The following FREM3 variants were observed in gnomAD, a reference collection of about 807,000 sequenced individuals.
FREM3 encodes FRAS1 related extracellular matrix 3.
FREM3 carries 105 observed loss-of-function variants against 129.1 expected under a neutral mutation model. The ratio of observed to expected loss-of-function variants is 0.81; its 90% confidence interval spans 0.69 to 0.96. The LOEUF (loss-of-function observed/expected upper bound fraction) is 0.96. FREM3 is among the 40% of genes least tolerant of loss of function. The pLI, the probability that FREM3 is intolerant of heterozygous loss-of-function variation, is 0.00. For missense variants in FREM3, 2,593 were observed against 2,666.3 expected (o/e 0.97, Z 0.61); for synonymous variants, 1,014 against 1,044.9 (o/e 0.97, Z 0.57).
In FREM3 at chr4:143,585,253, ACAT is replaced by A. The variant is rs1738218698; in HGVS notation, c.6178+588_6178+590del. On this transcript the variant is annotated intron_variant, in intron 7 of 7. Coordinates refer to ENST00000329798, the MANE Select transcript of FREM3 (RefSeq NM_001168235.2). The surrounding 1 kb of genome is among the most constrained non-coding windows in gnomAD (Gnocchi z 4.2). ...AATGAGAAAATGTGGGCATCAATGT[ACAT>A]GGAAATGTCCTTTTCTTTTCCTATT... is the stretch of plus-strand genomic sequence containing the variant. Among the ~76,000 whole-genome samples the A allele has an allele frequency of 2.6e-5, 4 of 152,244 alleles. No individual in the cohort carries two copies. The highest frequency in any genetic ancestry group is 2.6e-4 in the Admixed American group (4 of 15,282).
At chr4:143,648,242 G>A (rs1272942195) in intron 2 of FREM3, among the ~76,000 whole-genome samples, 1 of 152,188 alleles carries the variant, frequency 6.6e-6, no homozygotes, top group Admixed American at 6.5e-5. Context: ...CTAGGAAGTA[G>A]CTAACTTGCT....
chr4:143,610,233 T>A (rs1347057975), intron 6 of FREM3, among the ~76,000 whole-genome samples: 1 of 152,088 alleles, frequency 6.6e-6, no homozygotes, highest in Non-Finnish European at 1.5e-5. Context: ...GTCCACAGGG[T>A]GAAATATTCC....
chr4:143,685,270 G>A (rs781775006), intron 2 of FREM3, among the ~76,000 whole-genome samples: 2 of 152,142 alleles, frequency 1.3e-5, no homozygotes, highest in African/African-American at 4.8e-5. Context: ...AACCTATAAA[G>A]AAAAACCTAT....
chr4:143,687,318 A>C (rs2149861138), intron 2 of FREM3, among the ~76,000 whole-genome samples: 1 of 152,218 alleles, frequency 6.6e-6, no homozygotes, highest in Middle Eastern at 3.4e-3. Context: ...TGCCCTGAAC[A>C]GACCAATAAC....
intron 6 of FREM3, among the ~76,000 whole-genome samples, chr4:143,589,334 G>A (rs191640024): frequency 0.013 from 1,963 of 152,262 alleles, 41 homozygotes; most frequent in African/African-American, 0.045. Context: ...GTCCTGAATG[G>A]TATTGCCTAG....
chr4:143,583,629 A>C (rs889888886), intron 7 of FREM3, among the ~76,000 whole-genome samples: 1 of 152,154 alleles, frequency 6.6e-6, no homozygotes, highest in Non-Finnish European at 1.5e-5. Context: ...TCTACAGGCC[A>C]GAAGAGATTA....
At chr4:143,623,808 C>G (rs1738997605) in intron 4 of FREM3, among the ~76,000 whole-genome samples, 1 of 152,056 alleles carries the variant, frequency 6.6e-6, no homozygotes, top group Admixed American at 6.6e-5. Context: ...TGAGGATTAG[C>G]CATCTGGGAG....
chr4:143,630,911 G>A (rs1475052002), intron 2 of FREM3, among the ~76,000 whole-genome samples: 1 of 152,100 alleles, frequency 6.6e-6, no homozygotes, highest in Non-Finnish European at 1.5e-5. Context: ...AAATAGCTAA[G>A]TAACAACTCA....
chr4:143,695,597 C>G lies in FREM3; in HGVS notation c.5079G>C (p.Gln1693His), dbSNP rs1474755471. 6.5e-7 allele frequency: 1 copy of G among 1,537,182 alleles called. No individual in the cohort carries two copies. The highest frequency in any genetic ancestry group is 8.7e-7 in the Non-Finnish European group (1 of 1,146,950). Residue 1693 changes from glutamine (Q) to histidine (H), a missense_variant, in exon 1 of 8, where the codon CAG (glutamine) becomes CAC (histidine). Physicochemically the swap from Gln to His is conservative, Grantham distance 24 (BLOSUM62 0). Coordinates refer to ENST00000329798, the MANE Select transcript of FREM3 (RefSeq NM_001168235.2). ...ITSKSLKAED[Q>H]DSPHRLLKYK... is the part of the protein sequence containing the mutation. ...ACTTCAGAAGCCTGTGGGGACTGTC[C>G]TGATCTTCTGCCTTCAGAGACTTGC...
At chr4:143,658,432 C>CGAGA (rs1255186059) in intron 2 of FREM3, among the ~76,000 whole-genome samples, 1 of 152,206 alleles carries the variant, frequency 6.6e-6, no homozygotes, top group Non-Finnish European at 1.5e-5. Flanking sequence ...GGAGACTTCT[C>CGAGA]AGTCTCCAGA....
intron 2 of FREM3, among the ~76,000 whole-genome samples, chr4:143,638,968 A>G (rs1439360221): frequency 3.3e-5 from 5 of 152,112 alleles, no homozygotes; most frequent in African/African-American, 7.2e-5. Context: ...GAAATAATTT[A>G]CATTTGCTTC....
At chr4:143,597,316 CA>C (rs1252984478) in intron 6 of FREM3, among the ~76,000 whole-genome samples, 1 of 152,100 alleles carries the variant, frequency 6.6e-6, no homozygotes, top group Non-Finnish European at 1.5e-5. Context: ...ACGTCAACGG[CA>C]AAAACCCAAA....
chr4:143,666,403 G>A (rs1560864254), intron 2 of FREM3, among the ~76,000 whole-genome samples: 1 of 152,238 alleles, frequency 6.6e-6, no homozygotes, highest in East Asian at 1.9e-4. Flanking sequence ...CAAGGGAACT[G>A]AAATCAGAGA....
At chr4:143,635,914 G>A (rs1242762678) in intron 2 of FREM3, among the ~76,000 whole-genome samples, 1 of 152,102 alleles carries the variant, frequency 6.6e-6, no homozygotes, top group Non-Finnish European at 1.5e-5. Flanking sequence ...TTTTGAAGTG[G>A]AAGCATCAGG....
chr4:143,674,063 G>C (rs943063473), intron 2 of FREM3, among the ~76,000 whole-genome samples: 2 of 152,338 alleles, frequency 1.3e-5, no homozygotes, highest in African/African-American at 4.8e-5. Flanking sequence ...GCCTCGCCCT[G>C]CTTTGGCTTA....
At chr4:143,634,489 T>A (rs1739200238) in intron 2 of FREM3, among the ~76,000 whole-genome samples, 1 of 152,074 alleles carries the variant, frequency 6.6e-6, no homozygotes, top group African/African-American at 2.4e-5. Flanking sequence ...ATCACCCTTT[T>A]TCACCCTCTC....
At chr4:143,658,712 C>A (rs1739643698) in intron 2 of FREM3, among the ~76,000 whole-genome samples, 1 of 152,206 alleles carries the variant, frequency 6.6e-6, no homozygotes, top group Admixed American at 6.5e-5. Flanking sequence ...ATGAGAATTT[C>A]TTTTAAGCTC....
chr4:143,611,671 T>C (rs1738757515), intron 5 of FREM3, 144 bp from the exon 6 acceptor site: 3 of 725,760 alleles, frequency 4.1e-6, no homozygotes, highest in Non-Finnish European at 4.4e-6. Flanking sequence ...CAAATAGTAA[T>C]ACTGTAAGAA....
intron 2 of FREM3, among the ~76,000 whole-genome samples, chr4:143,644,536 T>C (rs896611719): frequency 3.3e-5 from 5 of 152,158 alleles, no homozygotes; most frequent in African/African-American, 1.2e-4. Context: ...ACATCTTTAA[T>C]TGAACACAGA....
Sources: gnomAD v4.1 joint callset for allele counts (sites outside exome capture counted in the v4.1 genomes callset) on GRCh38, gnomAD v4.1.1 for gene constraint, Gnocchi (gnomAD v3.1) non-coding constraint, MANE v1.5 for transcripts, NCBI Gene and HGNC (gene_info 2026-07-23, HGNC 2026-07-21) for gene names.